WNK2: variants seen among roughly 807,000 people sequenced by gnomAD.
The protein encoded by WNK2 is WNK lysine deficient protein kinase 2.
Under a neutral mutation model 192.1 loss-of-function variants are expected in WNK2, and 67 were observed. The ratio of observed to expected loss-of-function variants is 0.35; its 90% CI spans 0.29 to 0.43. WNK2 has a LOEUF of 0.43. Among genes scored for constraint, WNK2 ranks in the 20% least tolerant of loss-of-function variants. The pLI, the probability that WNK2 is intolerant of heterozygous loss-of-function variation, is 1.00. For synonymous variants in WNK2, 1,439 were observed against 1,393.9 expected, an observed-to-expected ratio of 1.03 and a Z score of -0.72; for missense variants, 2,698 against 3,089.7, an observed-to-expected ratio of 0.87 and a Z score of 3.01.
Position 93,247,401 on chromosome 9 carries a change from C to T in WNK2, c.1543-142C>T, listed in dbSNP as rs1001116493. ...TGCCATGCCATCTCTGAGCTGTCCCCGCGGATTTTACATTCAGTGGCAGTG... is the reference window on the plus strand; with the variant it reads ...TGCCATGCCATCTCTGAGCTGTCCCTGCGGATTTTACATTCAGTGGCAGTG... On this transcript the variant is annotated intron_variant, in intron 7 of 29. Coordinates refer to ENST00000427277, the MANE Select transcript of WNK2 (RefSeq NM_006648.4). The surrounding 1 kb of genome is among the most constrained non-coding windows in gnomAD (Gnocchi z 5.2). 69 of 1,032,332 alleles carry T rather than the reference C, an allele frequency of 6.7e-5. 2 individuals are homozygous for T. The highest frequency in any genetic ancestry group is 4.9e-4 in the African/African-American group (31 of 62,806). 63.9% of individuals were successfully genotyped at this position (1,032,332 alleles called of 1,614,324 possible).
intron 2 of WNK2, among the ~76,000 whole-genome samples, chr9:93,199,611 G>T (rs1441198927): frequency 1.3e-5 from 2 of 152,184 alleles, no homozygotes; most frequent in Non-Finnish European, 2.9e-5. Context: ...AAAACACAAA[G>T]CTGTGGGCCG....
chr9:93,251,116 A>T (rs34610897), intron 8 of WNK2, among the ~76,000 whole-genome samples: 18,135 of 144,860 alleles, frequency 0.13, 1,176 homozygotes, highest in Middle Eastern at 0.19. Context: ...ATTTTTAAAA[A>T]TTTTTTTATT....
rs1370203948 is a variant in WNK2 at position 93,262,676 on chromosome 9, G to C, written c.3367G>C (p.Ala1123Pro). ...CTCCGGGTGTTTATTTCAGGAGCAGGCCTCACAGGACAAGCCGCCCGGCCT... is the reference window on the plus strand; with the variant it reads ...CTCCGGGTGTTTATTTCAGGAGCAGCCCTCACAGGACAAGCCGCCCGGCCT... ...LTVEPVQEEQ[A>P]SQDKPPGLPQ... is the part of the protein sequence containing the mutation. The change falls in exon 14 of 30, where the codon GCC (alanine) becomes CCC (proline). Residue 1123 changes from alanine to proline, a missense_variant. By Grantham distance (27) the Ala-to-Pro change is conservative. Coordinates refer to ENST00000427277, the MANE Select transcript of WNK2 (RefSeq NM_006648.4). 2.5e-6 allele frequency: 4 copies of C among 1,612,530 alleles called. No homozygotes were observed. Among genetic ancestry groups the C allele is most frequent in the Non-Finnish European group, 2.5e-6 (3 of 1,179,900 alleles).
At chr9:93,273,796 C>T (rs1846344901) in intron 19 of WNK2, among the ~76,000 whole-genome samples, 1 of 152,124 alleles carries the variant, frequency 6.6e-6, no homozygotes, top group Non-Finnish European at 1.5e-5. Flanking sequence ...GAAATTATGT[C>T]AAGTATGTTC....
chr9:93,235,023 C>A (rs1178745028), intron 5 of WNK2, 58 bp downstream of exon 5: 3 of 1,592,540 alleles, frequency 1.9e-6, no homozygotes, highest in Non-Finnish European at 2.6e-6. Context: ...TGGGCCGTAC[C>A]CTGGGCTGGG....
intron 2 of WNK2, among the ~76,000 whole-genome samples, chr9:93,213,346 T>G (rs2131598091): frequency 6.6e-6 from 1 of 152,314 alleles, no homozygotes; most frequent in Non-Finnish European, 1.5e-5. Context: ...GGTCATTATT[T>G]TATCACATAC....
In WNK2 at chr9:93,229,363, G is replaced by A. The variant is rs1838348501; in HGVS notation, c.682-333G>A. On this transcript the variant is annotated intron_variant, in intron 2 of 29. Transcript: ENST00000427277. The surrounding 1 kb of genome is among the most constrained non-coding windows in gnomAD (Gnocchi z 4.9). ...GATCCATTCTTTTCACAAACACACAGAAAGTGAGTGATTGTGGAGGAGGCA... is the reference window on the plus strand; with the variant it reads ...GATCCATTCTTTTCACAAACACACAAAAAGTGAGTGATTGTGGAGGAGGCA... Among the ~76,000 whole-genome samples the A allele has an allele frequency of 6.6e-6, 1 of 152,230 alleles. No individual in the cohort carries two copies. Among genetic ancestry groups the A allele is most frequent in the African/African-American group, 2.4e-5 (1 of 41,462 alleles).
intron 2 of WNK2, among the ~76,000 whole-genome samples, chr9:93,206,308 C>A (rs1277837308): frequency 1.3e-5 from 2 of 152,190 alleles, no homozygotes; most frequent in Non-Finnish European, 2.9e-5. Context: ...AGGGAGTTGC[C>A]AAGGGTCGCC....
chr9:93,301,623 C>T (rs566204657), intron 26 of WNK2, among the ~76,000 whole-genome samples: 2 of 152,274 alleles, frequency 1.3e-5, no homozygotes, highest in African/African-American at 2.4e-5. Flanking sequence ...TTATGGCAGC[C>T]GGCTGTGGTT....
chr9:93,256,497 C>A, intron 10 of WNK2, 43 bp downstream of exon 10: 1 of 1,482,498 alleles, frequency 6.7e-7, no homozygotes, highest in South Asian at 1.3e-5. Context: ...TCCAGGCAGG[C>A]AGTCACCTGT....
chr9:93,249,557 T>A (rs1457010780), intron 8 of WNK2, among the ~76,000 whole-genome samples: 1 of 152,164 alleles, frequency 6.6e-6, no homozygotes, highest in Non-Finnish European at 1.5e-5. Flanking sequence ...CACTGCAAGC[T>A]CCGCCTACCA....
In WNK2 at chr9:93,315,840, T is replaced by C. The variant is rs191496094; in HGVS notation, c.6517-1680T>C. 7.2e-5 allele frequency: 11 copies of C among 151,826 alleles called. No homozygotes were observed. The East Asian group carries it at 2.1e-3, about 29-fold the overall frequency. 9.4% of individuals were successfully genotyped at this position (151,826 alleles called of 1,614,324 possible). The stretch of plus-strand genomic sequence containing the variant: ...GTGTGTGTGTATATAATGGATATAG[T>C]CTACCAATCTGTGGTTTGTGTTTTC... On this transcript the variant is annotated intron_variant, in intron 28 of 29. Coordinates refer to ENST00000427277, the MANE Select transcript of WNK2 (RefSeq NM_006648.4).
At chr9:93,307,168 T>A (rs369586878) in intron 27 of WNK2, 4 of 351,654 alleles carry the variant, frequency 1.1e-5, no homozygotes, top group South Asian at 3.0e-5. Flanking sequence ...GATGAGTGCC[T>A]CCCCACGAGG....
intron 28 of WNK2, chr9:93,315,823 G>GTGTATA (rs1021505499): frequency 6.8e-5 from 10 of 146,908 alleles, no homozygotes; most frequent in Admixed American, 2.7e-4. Flanking sequence ...GTGTGTGTGT[G>GTGTATA]TATATAATGG....
chr9:93,208,862 G>T (rs953185819), intron 2 of WNK2, among the ~76,000 whole-genome samples: 1 of 91,062 alleles, frequency 1.1e-5, no homozygotes, highest in Non-Finnish European at 2.4e-5. Flanking sequence ...TCTTCCGTGT[G>T]TACAGGTTCT....
chr9:93,256,542 C>A (rs1482871897), intron 10 of WNK2, 88 bp downstream of exon 10: 13 of 1,385,334 alleles, frequency 9.4e-6, no homozygotes, highest in Non-Finnish European at 1.1e-5. Flanking sequence ...GAGCACCTCC[C>A]ACAGACCCTT....
intron 4 of WNK2, among the ~76,000 whole-genome samples, chr9:93,232,753 T>G (rs971377232): frequency 2.6e-5 from 4 of 152,104 alleles, no homozygotes; most frequent in Non-Finnish European, 4.4e-5. Context: ...GGGGAGACCT[T>G]GTGACCCGCA....
chr9:93,250,976 G>C (rs1275912330), intron 8 of WNK2, among the ~76,000 whole-genome samples: 1 of 44,290 alleles, frequency 2.3e-5, no homozygotes, highest in Non-Finnish European at 4.0e-5. Flanking sequence ...AGTAGAGACG[G>C]GGTTTTGCCC....
chr9:93,238,009 G>A (rs912742280), intron 5 of WNK2, among the ~76,000 whole-genome samples: 7 of 152,210 alleles, frequency 4.6e-5, no homozygotes, highest in African/African-American at 1.7e-4. Flanking sequence ...TCTGGGCAGT[G>A]AGCTGGGGCC....
Sources: gnomAD v4.1 joint callset for allele counts (sites outside exome capture counted in the v4.1 genomes callset) on GRCh38, gnomAD v4.1.1 for gene constraint, Gnocchi (gnomAD v3.1) non-coding constraint, MANE v1.5 for transcripts, NCBI Gene and HGNC (gene_info 2026-07-23, HGNC 2026-07-21) for gene names.